Variants in EXT1 observed in about 807,000 individuals in gnomAD.
EXT1 encodes the protein exostosin-1.
EXT1 carries 20 observed loss-of-function variants against 82.5 expected under a neutral mutation model. The ratio of observed to expected loss-of-function variants is 0.24; its 90% CI spans 0.17 to 0.35. The LOEUF is 0.35. EXT1 is among the 10% of genes least tolerant of loss of function. The probability of loss-of-function intolerance (pLI) is 1.00; values close to 1 mark genes in which losing one functional copy is unlikely to be tolerated. For missense variants in EXT1, 757 were observed against 936.5 expected, an observed-to-expected ratio of 0.81 and a Z score of 2.50; for synonymous variants, 348 against 350.8, an observed-to-expected ratio of 0.99 and a Z score of 0.09.
At chr8:118,096,792 A>G (rs1456241300) in intron 1 of EXT1, among the ~76,000 whole-genome samples, 1 of 152,070 alleles carries the variant, frequency 6.6e-6, no homozygotes, top group African/African-American at 2.4e-5. Flanking sequence ...ATGACAAGAA[A>G]CTCTGGGTGA....
intron 1 of EXT1, among the ~76,000 whole-genome samples, chr8:117,905,194 T>C (rs62521141): frequency 0.24 from 37,032 of 152,114 alleles, 5,499 homozygotes; most frequent in East Asian, 0.36. Context: ...GGGAGAGACC[T>C]AGATTCAAAT....
At chr8:117,831,134 T>C (rs1040729577) in intron 3 of EXT1, among the ~76,000 whole-genome samples, 1 of 152,204 alleles carries the variant, frequency 6.6e-6, no homozygotes, top group Non-Finnish European at 1.5e-5. Flanking sequence ...TTTTTAATGG[T>C]AGTATAACTG....
intron 1 of EXT1, among the ~76,000 whole-genome samples, chr8:117,897,515 A>G (rs1049312803): frequency 6.6e-6 from 1 of 151,746 alleles, no homozygotes; most frequent in Non-Finnish European, 1.5e-5. Flanking sequence ...CTGGATCTAA[A>G]GCAGGCCTTG....
At chr8:117,826,732 G>T (rs1460566435) in intron 4 of EXT1, among the ~76,000 whole-genome samples, 1 of 152,034 alleles carries the variant, frequency 6.6e-6, no homozygotes, top group Non-Finnish European at 1.5e-5. Context: ...TATATAAAGA[G>T]ATTTGACAGT....
intron 1 of EXT1, among the ~76,000 whole-genome samples, chr8:117,904,513 G>T (rs538192563): frequency 6.6e-6 from 1 of 152,202 alleles, no homozygotes; most frequent in Non-Finnish European, 1.5e-5. Context: ...ATTGAAATGG[G>T]TATGTTCTTT....
intron 1 of EXT1, among the ~76,000 whole-genome samples, chr8:117,900,569 C>A (rs984859566): frequency 2.6e-5 from 4 of 152,090 alleles, no homozygotes; most frequent in Non-Finnish European, 5.9e-5. Flanking sequence ...TCCATTCTAC[C>A]CTGCAATCAC....
chr8:118,052,103 G>C (rs1332899218), intron 1 of EXT1, among the ~76,000 whole-genome samples: 1 of 152,090 alleles, frequency 6.6e-6, no homozygotes, highest in East Asian at 1.9e-4. Context: ...CTAAACCTTA[G>C]CATTTTCCAA....
At chr8:118,088,574 C>T (rs1369625003) in intron 1 of EXT1, among the ~76,000 whole-genome samples, 1 of 151,716 alleles carries the variant, frequency 6.6e-6, no homozygotes, top group Admixed American at 6.6e-5. Context: ...CAGTTTCTTC[C>T]TGACCCCAAA....
At chr8:117,940,278 T>C (rs1274436931) in intron 1 of EXT1, among the ~76,000 whole-genome samples, 1 of 152,204 alleles carries the variant, frequency 6.6e-6, no homozygotes, top group African/African-American at 2.4e-5. Flanking sequence ...GGTGAGATGA[T>C]GTAGACTGAC....
intron 1 of EXT1, among the ~76,000 whole-genome samples, chr8:117,983,578 T>A (rs1014751529): frequency 1.4e-4 from 21 of 152,158 alleles, no homozygotes; most frequent in Non-Finnish European, 2.8e-4. Context: ...CTAAACATCA[T>A]CCAACACTTA....
chr8:117,868,205 C>T (rs546986222), intron 1 of EXT1, among the ~76,000 whole-genome samples: 5 of 152,342 alleles, frequency 3.3e-5, no homozygotes, highest in Admixed American at 1.3e-4. Flanking sequence ...CTGTATGTGG[C>T]ATCCCTGTGG....
rs17503648 is a variant in EXT1, at chr8:117,849,700, T to G, written c.963-12499A>C. Among the ~76,000 whole-genome samples, 550 of 152,334 alleles carry G rather than the reference T, an allele frequency of 3.6e-3. 1 individual carries two copies. The highest frequency in any genetic ancestry group is 0.012 in the African/African-American group (510 of 41,580). ...ATTTCTTAAAGAACATCTTTAGAGA[T>G]GTTTATGTAAAGTGATACAATGAAA... On this transcript the variant is annotated intron_variant, in intron 1 of 10. Transcript: ENST00000378204.
chr8:118,105,571 A>G (rs1356988823), intron 1 of EXT1, among the ~76,000 whole-genome samples: 3 of 152,198 alleles, frequency 2.0e-5, no homozygotes, highest in African/African-American at 7.2e-5. Context: ...AGAGGCGAGA[A>G]AGGAAGGAGA....
At position 117,806,564 on chromosome 8, in the gene EXT1, G is replaced by C. The variant is rs890111152; in HGVS notation, c.1883+653C>G. 6.6e-5 allele frequency among the ~76,000 whole-genome samples: 10 copies of C among 152,152 alleles called. 1 individual carries two copies. Among genetic ancestry groups the C allele is most frequent in the Admixed American group, 6.5e-4 (10 of 15,274 alleles). On this transcript the variant is annotated intron_variant, in intron 9 of 10. Transcript: ENST00000378204. ...TCCACCCAGTCACAGTGGTCTCCTC[G>C]ATGGTTCTCCAGTATTCTGCCTCAG... is the stretch of plus-strand genomic sequence containing the variant.
In EXT1 at chr8:117,970,304, A is replaced by ATTT. The variant is rs35409811; in HGVS notation, c.963-133106_963-133104dup. Among the ~76,000 whole-genome samples, 511 of 136,576 alleles carry ATTT rather than the reference A, an allele frequency of 3.7e-3. 6 individuals carry two copies. The highest frequency in any genetic ancestry group is 0.013 in the African/African-American group (496 of 37,092). 89.6% of individuals were successfully genotyped at this position (136,576 alleles called of 152,430 possible). A position where few individuals can be genotyped will look rare whatever the true frequency, so the allele number is the denominator to read the frequency against. ...TTTGAGGCAGGGCTCAGGAATCTAC[A>ATTT]TTTTTTTTTTTTTTTTTGACACGGA... On this transcript the variant is annotated intron_variant, in intron 1 of 10. Transcript: ENST00000378204.
intron 1 of EXT1, among the ~76,000 whole-genome samples, chr8:118,057,218 G>A (rs1474071744): frequency 2.6e-5 from 4 of 152,140 alleles, no homozygotes; most frequent in Admixed American, 2.0e-4. Context: ...CTACACCTGG[G>A]CCATAACAAG....
chr8:117,862,658 G>A (rs942612398), intron 1 of EXT1, among the ~76,000 whole-genome samples: 3 of 145,546 alleles, frequency 2.1e-5, no homozygotes, highest in African/African-American at 4.9e-5. Context: ...GATGTGGTCC[G>A]TGGAGACTGT....
intron 1 of EXT1, among the ~76,000 whole-genome samples, chr8:117,892,337 A>C (rs183137618): frequency 1.0e-3 from 159 of 152,376 alleles, no homozygotes; most frequent in African/African-American, 3.6e-3. Flanking sequence ...ACAAGGATAC[A>C]TATGACATGA....
At chr8:118,064,811 C>T (rs112050237) in intron 1 of EXT1, among the ~76,000 whole-genome samples, 3 of 150,554 alleles carry the variant, frequency 2.0e-5, no homozygotes, top group African/African-American at 4.9e-5. Flanking sequence ...TAAAAGTGTT[C>T]GTATTTCTCT....
Sources: gnomAD v4.1 joint callset for allele counts (sites outside exome capture counted in the v4.1 genomes callset) on GRCh38, gnomAD v4.1.1 for gene constraint, MANE v1.5 for transcripts, NCBI Gene and HGNC (gene_info 2026-07-23, HGNC 2026-07-21) for gene names.